Variants in CYFIP2 observed in about 807,000 individuals in gnomAD.
CYFIP2 encodes the protein cytoplasmic FMR1 interacting protein 2.
Under a neutral mutation model 158.7 loss-of-function variants are expected in CYFIP2, and 29 were observed. The ratio of observed to expected loss-of-function variants is 0.18; its 90% CI spans 0.14 to 0.25. The LOEUF is 0.25. CYFIP2 is among the 10% of genes least tolerant of loss of function. The probability of loss-of-function intolerance (pLI) is 1.00; values close to 1 mark genes in which losing one functional copy is unlikely to be tolerated. For synonymous variants in CYFIP2, 585 were observed against 617.6 expected, an observed-to-expected ratio of 0.95 and a Z score of 0.78; for missense variants, 852 against 1,639.5, an observed-to-expected ratio of 0.52 and a Z score of 8.29.
Position 157,383,343 on chromosome 5 carries a change from G to A in CYFIP2, c.3191G>A (p.Arg1064Gln), listed in dbSNP as rs776107230. ...APLHLVPLIERLGTPQQIAIA... is the reference protein window; with the variant it reads ...APLHLVPLIEQLGTPQQIAIA... ...CTCCACCTGGTCCCTCTGATCGAGC[G>A]GCTGGGGACCCCTCAGGTACCAATC... The change falls in exon 28 of 31, where the codon CGG becomes CAG. Residue 1064 changes from arginine to glutamine, a missense_variant. Arg to Gln is a conservative substitution (Grantham distance 43, BLOSUM62 1). Coordinates refer to ENST00000620254, the MANE Select transcript of CYFIP2 (RefSeq NM_001037333.3). 6.2e-6 allele frequency: 10 copies of A among 1,613,700 alleles called. No individual in the cohort carries two copies. In the East Asian group the frequency reaches 6.7e-5, roughly 11 times the overall value.
At chr5:157,331,530 A>T (rs1426014265) in intron 20 of CYFIP2, among the ~76,000 whole-genome samples, 1 of 151,870 alleles carries the variant, frequency 6.6e-6, no homozygotes, top group Non-Finnish European at 1.5e-5. Flanking sequence ...TGAGGCTAAG[A>T]TCATGCCAGA....
intron 20 of CYFIP2, among the ~76,000 whole-genome samples, chr5:157,333,117 G>T (rs1341304228): frequency 6.6e-6 from 1 of 152,160 alleles, no homozygotes; most frequent in African/African-American, 2.4e-5. Flanking sequence ...AAGAAGAGGA[G>T]GGGCCAGGCT....
chr5:157,360,912 A>G (rs1011099926), intron 25 of CYFIP2, among the ~76,000 whole-genome samples: 4 of 152,172 alleles, frequency 2.6e-5, no homozygotes, highest in African/African-American at 9.7e-5. Context: ...CAAAACCAAG[A>G]TGTCTAGTGC....
chr5:157,320,629 C>A (rs1194862717), intron 14 of CYFIP2, 26 bp from the exon 15 acceptor site: 6 of 1,613,552 alleles, frequency 3.7e-6, no homozygotes, highest in Non-Finnish European at 5.1e-6. Flanking sequence ...GAAACCTGGT[C>A]TAAGTCTTAG....
At chr5:157,377,828 A>T (rs746030192) in intron 26 of CYFIP2, among the ~76,000 whole-genome samples, 1 of 152,240 alleles carries the variant, frequency 6.6e-6, no homozygotes, top group Non-Finnish European at 1.5e-5. Context: ...CAGGTCCTGC[A>T]CATGGGTTGT....
intron 4 of CYFIP2, among the ~76,000 whole-genome samples, chr5:157,295,300 G>T (rs1162847415): frequency 6.6e-6 from 1 of 152,144 alleles, no homozygotes; most frequent in Non-Finnish European, 1.5e-5. Flanking sequence ...ATTATTTTGT[G>T]TTTATATTGT....
At chr5:157,280,196 AT>A (rs993748968) in intron 1 of CYFIP2, among the ~76,000 whole-genome samples, 16 of 151,708 alleles carry the variant, frequency 1.1e-4, no homozygotes, top group African/African-American at 3.9e-4. Flanking sequence ...GTAAATGAGT[AT>A]TTTTGTGTGT....
At chr5:157,356,461 C>T (rs1335921637) in intron 23 of CYFIP2, among the ~76,000 whole-genome samples, 1 of 152,198 alleles carries the variant, frequency 6.6e-6, no homozygotes, top group African/African-American at 2.4e-5. Context: ...GCATTCAGTG[C>T]ACATGGCACA....
chr5:157,271,006 G>A (rs1001474842), intron 1 of CYFIP2, among the ~76,000 whole-genome samples: 5 of 152,182 alleles, frequency 3.3e-5, no homozygotes, highest in Admixed American at 6.5e-5. Context: ...GCAGTTTGTC[G>A]TGCAGTTAAA....
chr5:157,359,437 G>A (rs908589641), intron 24 of CYFIP2, among the ~76,000 whole-genome samples: 20 of 152,136 alleles, frequency 1.3e-4, no homozygotes, highest in Admixed American at 6.5e-4. Context: ...GTCCTTCAGC[G>A]CTTGCCACTG....
At chr5:157,384,291 A>G (rs901418005) in intron 28 of CYFIP2, 4 of 456,696 alleles carry the variant, frequency 8.8e-6, no homozygotes, top group Non-Finnish European at 1.8e-5. Flanking sequence ...GGCATGTGCT[A>G]TCTCCTTTCA....
intron 15 of CYFIP2, 93 bp from the exon 16 acceptor site, chr5:157,323,826 GAA>G (rs34143712): frequency 6.0e-6 from 7 of 1,160,106 alleles, no homozygotes; most frequent in Non-Finnish European, 6.8e-6. Context: ...GACATCTGCA[GAA>G]AAAAAAAAAT....
At chr5:157,342,798 G>A in intron 23 of CYFIP2, 2 of 1,483,968 alleles carry the variant, frequency 1.3e-6, no homozygotes, top group African/African-American at 2.8e-5. Flanking sequence ...AGACACATTT[G>A]TACAAACGAC....
At chr5:157,302,772 G>T (rs1239771770) in intron 6 of CYFIP2, 22 bp from the exon 7 acceptor site, 1 of 1,555,158 alleles carries the variant, frequency 6.4e-7, no homozygotes, top group South Asian at 1.2e-5. Context: ...CCTCTCTGCA[G>T]CACCCACTAT....
chr5:157,375,311 G>A (rs1274531474), intron 26 of CYFIP2, among the ~76,000 whole-genome samples: 1 of 152,170 alleles, frequency 6.6e-6, no homozygotes, highest in East Asian at 1.9e-4. Flanking sequence ...CTCTGCCTGT[G>A]TCCAAAGGAA....
rs552892075 is a variant in CYFIP2, at chr5:157,309,409, A to G, written c.901-334A>G. On this transcript the variant is annotated intron_variant, in intron 9 of 30. Coordinates refer to ENST00000620254, the MANE Select transcript of CYFIP2 (RefSeq NM_001037333.3). Reference sequence around the variant, plus strand: ...ACAGCAAGGATGCTTTAAGCCAGGGAAGATTCGAGTGGAAAGGACCCTGCA... The same window carrying G: ...ACAGCAAGGATGCTTTAAGCCAGGGGAGATTCGAGTGGAAAGGACCCTGCA... Among the ~76,000 whole-genome samples the G allele has an allele frequency of 2.4e-3, 359 of 152,288 alleles. 2 individuals carry two copies. Among genetic ancestry groups the G allele is most frequent in the African/African-American group, 8.4e-3 (350 of 41,562 alleles).
Position 157,384,858 on chromosome 5 carries a change from T to C in CYFIP2, c.3207+1499T>C. 3 of 243,362 alleles carry C rather than the reference T, an allele frequency of 1.2e-5. No homozygotes were observed. In the South Asian group the frequency reaches 1.5e-4, roughly 12 times the overall value. 15.1% of individuals were successfully genotyped at this position (243,362 alleles called of 1,614,324 possible). On this transcript the variant is annotated intron_variant, in intron 28 of 30. Transcript: ENST00000620254. ...GGGAGGCTGAGGCAGGAGAATTGCTTGAACCCAAGAGGTGGAGGCTGCAGT... is the reference window on the plus strand; with the variant it reads ...GGGAGGCTGAGGCAGGAGAATTGCTCGAACCCAAGAGGTGGAGGCTGCAGT...
At chr5:157,343,337 G>A in intron 23 of CYFIP2, 1 of 1,614,212 alleles carries the variant, frequency 6.2e-7, no homozygotes, top group Non-Finnish European at 8.5e-7. Context: ...AGTGGAAGGG[G>A]CAAGATGTTC....
intron 2 of CYFIP2, 129 bp downstream of exon 2, chr5:157,285,607 C>T: frequency 1.3e-6 from 1 of 754,050 alleles, no homozygotes. Flanking sequence ...TGATGGAGTC[C>T]CTTGTGCGCT....
Sources: gnomAD v4.1 joint callset for allele counts (sites outside exome capture counted in the v4.1 genomes callset) on GRCh38, gnomAD v4.1.1 for gene constraint, MANE v1.5 for transcripts, NCBI Gene and HGNC (gene_info 2026-07-23, HGNC 2026-07-21) for gene names.